The following LUZP2 variants were observed in gnomAD, a reference collection of about 807,000 sequenced individuals.
LUZP2 encodes the protein leucine zipper protein 2.
LUZP2 carries 52 observed loss-of-function variants against 51.6 expected under a neutral mutation model. The observed-to-expected ratio is 1.01, with a 90% CI of 0.81 to 1.27. The LOEUF (loss-of-function observed/expected upper bound fraction) is 1.27. Among genes scored for constraint, LUZP2 ranks in the 50% most tolerant of loss-of-function variants. LUZP2 has a pLI of 0.00. For synonymous variants in LUZP2, 154 were observed against 137.3 expected, an observed-to-expected ratio of 1.12 and a Z score of -0.85; for missense variants, 436 against 395.4, an observed-to-expected ratio of 1.10 and a Z score of -0.87.
At chr11:24,716,495 G>A (rs1858048858) in intron 1 of LUZP2, among the ~76,000 whole-genome samples, 1 of 152,162 alleles carries the variant, frequency 6.6e-6, no homozygotes, top group East Asian at 1.9e-4. Context: ...AGTGAAAAGA[G>A]TCAAGAAGGG....
At chr11:24,552,598 G>T (rs976288207) in intron 1 of LUZP2, among the ~76,000 whole-genome samples, 3 of 151,924 alleles carry the variant, frequency 2.0e-5, no homozygotes, top group Non-Finnish European at 2.9e-5. Flanking sequence ...ACTACTAAAT[G>T]TATTCAGCAA....
rs554048729 is a variant in LUZP2, at chr11:24,699,438, T to C, written c.63-29731T>C. ...TTGAAATACATTTTGGAATTAAAAT[T>C]GACAGACATTACAGATGCATTGAAT... On this transcript the variant is annotated intron_variant, in intron 1 of 11. Coordinates refer to ENST00000336930, the MANE Select transcript of LUZP2 (RefSeq NM_001009909.4). 3.6e-3 allele frequency among the ~76,000 whole-genome samples: 555 copies of C among 152,264 alleles called. 2 individuals carry two copies. Among genetic ancestry groups the C allele is most frequent in the African/African-American group, 0.013 (540 of 41,534 alleles).
chr11:24,921,925 A>G (rs1854073630), intron 7 of LUZP2, among the ~76,000 whole-genome samples: 1 of 152,126 alleles, frequency 6.6e-6, no homozygotes, highest in African/African-American at 2.4e-5. Flanking sequence ...ATGAGACAGG[A>G]AAATTTATGT....
In LUZP2 at chr11:24,963,612, G is replaced by A. The variant is rs576477033; in HGVS notation, c.523-12979G>A. 1.7e-3 allele frequency among the ~76,000 whole-genome samples: 264 copies of A among 152,162 alleles called. 2 individuals are homozygous for A. The highest frequency in any genetic ancestry group is 6.8e-3 in the Middle Eastern group (2 of 294). ...TCCTGGTGCGCCGTTTTTTAAGCCC[G>A]TCAGAAAGGCGCAGTATTCGGGTGG... On this transcript the variant is annotated intron_variant, in intron 7 of 11. Coordinates refer to ENST00000336930, the MANE Select transcript of LUZP2 (RefSeq NM_001009909.4).
chr11:24,824,900 A>G (rs961689419), intron 5 of LUZP2, among the ~76,000 whole-genome samples: 1 of 152,128 alleles, frequency 6.6e-6, no homozygotes, highest in African/African-American at 2.4e-5. Context: ...TTTTTATGCC[A>G]AATAAAATTT....
At chr11:24,665,272 A>T (rs1388032059) in intron 1 of LUZP2, among the ~76,000 whole-genome samples, 1 of 152,078 alleles carries the variant, frequency 6.6e-6, no homozygotes, top group East Asian at 1.9e-4. Flanking sequence ...TCCAATTTGG[A>T]ATGGGTGTAT....
chr11:24,525,063 T>C (rs983975023), intron 1 of LUZP2, among the ~76,000 whole-genome samples: 6 of 151,660 alleles, frequency 4.0e-5, no homozygotes, highest in African/African-American at 1.4e-4. Flanking sequence ...AGGACTATGA[T>C]TCTCCAATTT....
chr11:24,976,538 G>A (rs1056771635), intron 7 of LUZP2, 53 bp from the exon 8 acceptor site: 4 of 1,240,184 alleles, frequency 3.2e-6, no homozygotes, highest in African/African-American at 1.6e-5. Context: ...GATGCTTAAA[G>A]TACAGAGGGA....
At chr11:25,016,320 T>C (rs557755572) in intron 9 of LUZP2, among the ~76,000 whole-genome samples, 9 of 152,062 alleles carry the variant, frequency 5.9e-5, no homozygotes, top group African/African-American at 9.7e-5. Flanking sequence ...TTCCCCCTTC[T>C]GAGTCTGTAA....
At chr11:24,707,620 C>CCAGAAGTA (rs1485747875) in intron 1 of LUZP2, among the ~76,000 whole-genome samples, 3 of 151,908 alleles carry the variant, frequency 2.0e-5, no homozygotes, top group Non-Finnish European at 4.4e-5. Context: ...GGCAAGACAA[C>CCAGAAGTA]CAGAAGTACC....
intron 5 of LUZP2, among the ~76,000 whole-genome samples, chr11:24,765,906 G>T (rs532358858): frequency 1.3e-5 from 2 of 152,116 alleles, no homozygotes; most frequent in African/African-American, 2.4e-5. Context: ...GATTACAGGC[G>T]TGAGCTACCG....
intron 1 of LUZP2, among the ~76,000 whole-genome samples, chr11:24,526,771 C>G (rs1025574223): frequency 1.3e-5 from 2 of 150,930 alleles, no homozygotes; most frequent in African/African-American, 4.8e-5. Context: ...TTTCTTTGAT[C>G]TTTTTTTTGG....
At chr11:24,589,488 A>C (rs1853187086) in intron 1 of LUZP2, among the ~76,000 whole-genome samples, 1 of 152,204 alleles carries the variant, frequency 6.6e-6, no homozygotes. Flanking sequence ...ATTTAAGTGC[A>C]AATTATTTCT....
At chr11:24,555,016 G>T (rs995099796) in intron 1 of LUZP2, among the ~76,000 whole-genome samples, 1 of 152,086 alleles carries the variant, frequency 6.6e-6, no homozygotes. Flanking sequence ...AGGAAATAAA[G>T]CTCCTACTTG....
chr11:24,783,669 A>C (rs1244993199), intron 5 of LUZP2, among the ~76,000 whole-genome samples: 1 of 151,236 alleles, frequency 6.6e-6, no homozygotes, highest in Non-Finnish European at 1.5e-5. Context: ...GCAACTGAAA[A>C]CTCCTTGTCA....
At position 24,763,986 on chromosome 11, in the gene LUZP2, A is replaced by G. The variant is rs533528079; in HGVS notation, c.396+678A>G. ...TTATGTTTTATTTTGAATCCTGATT[A>G]TGATGGAAAATATCAACATACCAGA... On this transcript the variant is annotated intron_variant, in intron 5 of 11. Transcript: ENST00000336930. Among the ~76,000 whole-genome samples the G allele has an allele frequency of 5.3e-5, 8 of 152,314 alleles. No individual in the cohort carries two copies. The East Asian group carries it at 1.5e-3, about 29-fold the overall frequency.
intron 5 of LUZP2, among the ~76,000 whole-genome samples, chr11:24,878,432 G>T (rs778980257): frequency 6.6e-6 from 1 of 151,958 alleles, no homozygotes; most frequent in African/African-American, 2.4e-5. Context: ...GAGCACCTTT[G>T]TATGTTATTT....
chr11:24,951,989 C>T (rs1267358648), intron 7 of LUZP2, among the ~76,000 whole-genome samples: 1 of 151,566 alleles, frequency 6.6e-6, no homozygotes, highest in African/African-American at 2.4e-5. Context: ...ATAATTGATA[C>T]ATATTTTTGG....
chr11:24,543,748 G>C (rs934447455), intron 1 of LUZP2, among the ~76,000 whole-genome samples: 1 of 143,214 alleles, frequency 7.0e-6, no homozygotes, highest in South Asian at 2.3e-4. Context: ...TTGAACTAAG[G>C]AGGTGGAAGT....
Sources: gnomAD v4.1 joint callset for allele counts (sites outside exome capture counted in the v4.1 genomes callset) on GRCh38, gnomAD v4.1.1 for gene constraint, MANE v1.5 for transcripts, NCBI Gene and HGNC (gene_info 2026-07-23, HGNC 2026-07-21) for gene names.